Variants in ARHGEF2 observed in about 807,000 individuals in gnomAD.
The protein encoded by ARHGEF2 is Rho/Rac guanine nucleotide exchange factor 2, also known as rho guanine nucleotide exchange factor 2.
A neutral mutation model predicts 121.0 loss-of-function variants in ARHGEF2; 22 were observed. The observed-to-expected ratio is 0.18, with a 90% CI of 0.13 to 0.26. ARHGEF2 has a LOEUF of 0.26. Ranked by LOEUF, ARHGEF2 falls within the 10% of genes least tolerant of loss-of-function variation. ARHGEF2 has a pLI of 1.00. For synonymous variants in ARHGEF2, 487 were observed against 530.0 expected, an observed-to-expected ratio of 0.92 and a Z score of 1.11; for missense variants, 907 against 1,336.0, an observed-to-expected ratio of 0.68 and a Z score of 5.01.
chr1:155,977,772 C>G (rs755473434), intron 1 of ARHGEF2, among the ~76,000 whole-genome samples: 2 of 152,212 alleles, frequency 1.3e-5, no homozygotes, highest in Non-Finnish European at 2.9e-5. Flanking sequence ...CCCGCCCACC[C>G]AGAGGGGAGA....
upstream of ARHGEF2, chr1:155,979,054 G>T (rs1021791940): frequency 6.3e-5 from 62 of 985,638 alleles, no homozygotes; most frequent in African/African-American, 7.0e-5. Context: ...TGGGGGCAGG[G>T]GTGGCCAGAG....
Position 155,962,659 on chromosome 1 carries a change from G to A in ARHGEF2, c.1035C>T (p.His345=). Residue 345 remains histidine, a synonymous_variant, in exon 9 of 22, where the codon CAC becomes CAT. Transcript: ENST00000361247. This position sits in a 1 kb window ranked among gnomAD's most constrained non-coding sequence, Gnocchi z 5.8. ...CKTYSEFCSR[H]SKALKLYKEL... is the part of the protein sequence containing the mutation. ...CCTTATAGAGCTTTAAGGCCTTGCTGTGGCGGCTGCAGAACTCCGAGTAGG... is the reference window on the plus strand; with the variant it reads ...CCTTATAGAGCTTTAAGGCCTTGCTATGGCGGCTGCAGAACTCCGAGTAGG... The A allele has an allele frequency of 7.4e-6, 12 of 1,614,164 alleles. No individual in the cohort carries two copies. Among genetic ancestry groups the A allele is most frequent in the Admixed American group, 5.0e-5 (3 of 60,030 alleles).
At chr1:155,976,575 A>G (rs924818912) in intron 1 of ARHGEF2, among the ~76,000 whole-genome samples, 6 of 149,746 alleles carry the variant, frequency 4.0e-5, no homozygotes, top group Non-Finnish European at 8.9e-5. Flanking sequence ...CCCCACAATA[A>G]TGGAAAAGGG....
chr1:155,954,809 C>T, intron 14 of ARHGEF2, 93 bp downstream of exon 14: 4 of 1,237,186 alleles, frequency 3.2e-6, no homozygotes, highest in Non-Finnish European at 4.6e-6. Context: ...CACCAGCCCT[C>T]ATAGAGCCAT....
Position 155,950,867 on chromosome 1 carries a change from C to A in ARHGEF2, c.2665G>T (p.Ala889Ser), listed in dbSNP as rs760566971. The A allele has an allele frequency of 7.1e-6, 11 of 1,547,972 alleles. No individual in the cohort carries two copies. The highest frequency in any genetic ancestry group is 8.7e-6 in the Non-Finnish European group (10 of 1,148,392). ...PVDPRRRSLP[A>S]GDALYLSFNP... ...AAACTCAAGTACAGGGCATCGCCTGCGGGGAGGCTGCGCCGCCGAGGATCC... is the reference window on the plus strand; with the variant it reads ...AAACTCAAGTACAGGGCATCGCCTGAGGGGAGGCTGCGCCGCCGAGGATCC... The change falls in exon 20 of 22, where the codon GCA (alanine) becomes TCA (serine). Residue 889 changes from alanine (A) to serine (S), a missense_variant. Ala to Ser is a moderately conservative substitution (Grantham distance 99, BLOSUM62 1). Around this residue, in one of 2 missense-constraint regions of ARHGEF2, gnomAD observed 432 missense variants for 559.5 expected, o/e 0.77. Transcript: ENST00000361247. The surrounding 1 kb of genome is among the most constrained non-coding windows in gnomAD (Gnocchi z 5.2).
intron 1 of ARHGEF2, chr1:155,971,042 G>A: frequency 1.0e-6 from 1 of 986,728 alleles, no homozygotes; most frequent in Non-Finnish European, 1.2e-6. Flanking sequence ...TCTCAGCCTT[G>A]CTTCTCCGCC....
intron 1 of ARHGEF2, among the ~76,000 whole-genome samples, chr1:155,975,130 G>A (rs1681097034): frequency 6.6e-6 from 1 of 152,152 alleles, no homozygotes; most frequent in East Asian, 1.9e-4. Flanking sequence ...TGAAGCTAAG[G>A]ATGAAGCTAC....
In ARHGEF2 at chr1:155,965,599, C is replaced by T. The variant is rs1679216952; in HGVS notation, c.470+32G>A. On this transcript the variant is annotated intron_variant, in intron 5 of 21. Coordinates refer to ENST00000361247, the MANE Select transcript of ARHGEF2 (RefSeq NM_001162383.2). The surrounding 1 kb of genome is among the most constrained non-coding windows in gnomAD (Gnocchi z 6.0). ...CCCTTGGCCTCCACTGCCACACTCT[C>T]TGGCTGCCCCTTTCCCCAAACAGAG... is the stretch of plus-strand genomic sequence containing the variant. 1.2e-5 allele frequency: 20 copies of T among 1,612,212 alleles called. No homozygotes were observed. The highest frequency in any genetic ancestry group is 1.7e-5 in the Non-Finnish European group (20 of 1,179,812).
chr1:155,961,361 G>A lies in ARHGEF2; in HGVS notation c.1468+300C>T, dbSNP rs899212865. The stretch of plus-strand genomic sequence containing the variant: ...GCAATCTGGGCTCACTGCAAGCTCC[G>A]CCTCCTGGGTTCACGCCATTCTCCT... On this transcript the variant is annotated intron_variant, in intron 11 of 21. Coordinates refer to ENST00000361247, the MANE Select transcript of ARHGEF2 (RefSeq NM_001162383.2). The surrounding 1 kb of genome is among the most constrained non-coding windows in gnomAD (Gnocchi z 4.7). Among the ~76,000 whole-genome samples, 12 of 148,646 alleles carry A rather than the reference G, an allele frequency of 8.1e-5. No individual in the cohort carries two copies. The highest frequency in any genetic ancestry group is 1.6e-4 in the Non-Finnish European group (11 of 67,548).
rs869033599 is a variant in ARHGEF2, at chr1:155,964,167, A to AATATAT, written c.724+815_724+820dup. Among the ~76,000 whole-genome samples, 195 of 91,156 alleles carry AATATAT rather than the reference A, an allele frequency of 2.1e-3. 5 individuals carry two copies. Among genetic ancestry groups the AATATAT allele is most frequent in the African/African-American group, 0.012 (192 of 16,474 alleles). 59.8% of individuals were successfully genotyped at this position (91,156 alleles called of 152,430 possible). A position where few individuals can be genotyped will look rare whatever the true frequency, so the allele number is the denominator to read the frequency against. ...TTCAAAAAAAAAAAAAAAAAAAAAA[A>AATATAT]ATATATATATATATATATATATATA... On this transcript the variant is annotated intron_variant, in intron 7 of 21. Transcript: ENST00000361247.
rs775083194 is a variant in ARHGEF2 at position 155,963,152 on chromosome 1, C to T, written c.756G>A (p.Arg252=). 6.2e-7 allele frequency: 1 copy of T among 1,612,700 alleles called. No individual in the cohort carries two copies. Among genetic ancestry groups the T allele is most frequent in the Non-Finnish European group, 8.5e-7 (1 of 1,179,928 alleles). ...ELIQTELHHV[R]TLKIMTRLFR... is the part of the protein sequence containing the mutation. ...AGAGGCGGGTCATGATCTTCAGTGT[C>T]CTCACATGGTGCAGCTCTGTCTGGA... The change falls in exon 8 of 22, where the codon AGG becomes AGA. Residue 252 remains arginine (R), a synonymous_variant. Transcript: ENST00000361247.
chr1:155,949,841 C>CA (rs1186749271), intron 21 of ARHGEF2, among the ~76,000 whole-genome samples: 4 of 152,016 alleles, frequency 2.6e-5, no homozygotes, highest in Admixed American at 2.6e-4. Context: ...CACGCCACTG[C>CA]ACTCCAGCCC....
chr1:155,968,985 C>T lies in ARHGEF2; in HGVS notation c.208+171G>A, dbSNP rs1395913444. On this transcript the variant is annotated intron_variant, in intron 2 of 21. Coordinates refer to ENST00000361247, the MANE Select transcript of ARHGEF2 (RefSeq NM_001162383.2). ...TGCCATATTCCAACAGCCACCACCC[C>T]TCAGAGTGAGGACAGGGAGCAAGGG... 5 of 751,282 alleles carry T rather than the reference C, an allele frequency of 6.7e-6. No homozygotes were observed. In the Admixed American group the frequency reaches 1.4e-4, roughly 21 times the overall value. The allele number at this position is 751,282 out of a possible 1,614,324, so 46.5% of individuals were successfully genotyped here.
intron 13 of ARHGEF2, among the ~76,000 whole-genome samples, chr1:155,955,944 G>C (rs1037453780): frequency 6.6e-6 from 1 of 152,018 alleles, no homozygotes; most frequent in Non-Finnish European, 1.5e-5. Context: ...TCGAACTCCA[G>C]TGGTCCGCCT....
intron 1 of ARHGEF2, among the ~76,000 whole-genome samples, chr1:155,972,586 A>T (rs1680662414): frequency 1.3e-5 from 2 of 152,086 alleles, no homozygotes. Flanking sequence ...TCCAAGACCC[A>T]ACCTATGCAC....
upstream of ARHGEF2, chr1:155,978,846 T>G: frequency 1.0e-6 from 1 of 988,200 alleles, no homozygotes; most frequent in Non-Finnish European, 1.2e-6. This position sits in a 1 kb window ranked among gnomAD's most constrained non-coding sequence, Gnocchi z 4.1. Flanking sequence ...GTTGGCCCTT[T>G]CCCCTCTGCC....
chr1:155,948,653 A>G (rs967675613), intron 21 of ARHGEF2, among the ~76,000 whole-genome samples: 7 of 152,066 alleles, frequency 4.6e-5, no homozygotes, highest in Admixed American at 4.6e-4. Context: ...AAAACAAAAC[A>G]AAAAACTATA....
chr1:155,976,230 A>T (rs912045322), intron 1 of ARHGEF2, among the ~76,000 whole-genome samples: 3 of 152,114 alleles, frequency 2.0e-5, no homozygotes, highest in Admixed American at 6.5e-5. Context: ...CCACCACAGT[A>T]TAAAAAGAAA....
chr1:155,966,791 C>T, intron 3 of ARHGEF2, 29 bp downstream of exon 3: 1 of 1,586,038 alleles, frequency 6.3e-7, no homozygotes, highest in Non-Finnish European at 8.7e-7. Flanking sequence ...ACCCTCTCCC[C>T]CAGCCCTCTG....
Sources: gnomAD v4.1 joint callset for allele counts (sites outside exome capture counted in the v4.1 genomes callset) on GRCh38, gnomAD v4.1.1 for gene constraint, gnomAD v4.1.1 regional missense constraint, Gnocchi (gnomAD v3.1) non-coding constraint, MANE v1.5 for transcripts, NCBI Gene and HGNC (gene_info 2026-07-23, HGNC 2026-07-21) for gene names.